Variants in HOXB2 observed in about 807,000 individuals in gnomAD.
The protein encoded by HOXB2 is homeobox protein Hox-B2.
In HOXB2, 14 loss-of-function variants were observed where a neutral mutation model predicts 13.1. That is an observed-to-expected ratio of 1.07 (90% CI 0.71 to 1.67). The LOEUF is 1.67. Among genes scored for constraint, HOXB2 ranks in the 40% most tolerant of loss-of-function variants. The pLI is 0.00. For missense variants in HOXB2, 582 were observed against 488.3 expected (o/e 1.19, Z -1.81); for synonymous variants, 261 against 233.1 (o/e 1.12, Z -1.09).
At position 48,545,096 on chromosome 17, in the gene HOXB2, T is replaced by A. The variant is rs2068557984; in HGVS notation, c.-185A>T. On this transcript the variant is annotated 5_prime_UTR_variant, in exon 1 of 2. Coordinates refer to ENST00000330070, the MANE Select transcript of HOXB2 (RefSeq NM_002145.4). ...TATATTGCTGATAAATACAAGCGTATGGGGACTCTCTCTATTAAACCCAGG... is the reference window on the plus strand; with the variant it reads ...TATATTGCTGATAAATACAAGCGTAAGGGGACTCTCTCTATTAAACCCAGG... The A allele has an allele frequency of 1.9e-6, 1 of 529,646 alleles. No individual in the cohort carries two copies. Among genetic ancestry groups the A allele is most frequent in the Non-Finnish European group, 3.3e-6 (1 of 307,356 alleles). 32.8% of individuals were successfully genotyped at this position (529,646 alleles called of 1,614,324 possible).
In HOXB2 at chr17:48,544,687, C is replaced by T. The variant is rs2068549383; in HGVS notation, c.225G>A (p.Gly75=). The T allele has an allele frequency of 1.9e-6, 3 of 1,613,086 alleles. No individual in the cohort carries two copies. Among genetic ancestry groups the T allele is most frequent in the South Asian group, 2.2e-5 (2 of 91,022 alleles). Residue 75 remains glycine (G), a synonymous_variant, in exon 1 of 2, where the codon GGG becomes GGA. Transcript: ENST00000330070. ...GCGGCGGTGGCGGCGGCAGAGCAGG[C>T]CCATCTTCGGCTCGCTTTTGGCTCC... is the stretch of plus-strand genomic sequence containing the variant. ...RPRSQKRAED[G]PALPPPPPPP... is the part of the protein sequence containing the mutation.
At position 48,543,525 on chromosome 17, in the gene HOXB2, C is replaced by T. The variant is rs956418857; in HGVS notation, c.614G>A (p.Arg205Gln). 19 of 1,612,772 alleles carry T rather than the reference C, an allele frequency of 1.2e-5. No homozygotes were observed. In the African/African-American group the frequency reaches 1.6e-4, roughly 14 times the overall value. Residue 205 changes from arginine to glutamine, a missense_variant, in exon 2 of 2, where the codon CGA (arginine) becomes CAA (glutamine). Transcript: ENST00000330070. ...GGCAGGCTCCCCATCCGGCGGCTCT[C>T]GGTGCTGCGTCTGCCGCTTGTGCTT... is the stretch of plus-strand genomic sequence containing the variant. ...RMKHKRQTQH[R>Q]EPPDGEPACP...
chr17:48,545,091 G>T lies in HOXB2; in HGVS notation c.-180C>A, dbSNP rs2068557840. 1 of 543,276 alleles carries T rather than the reference G, an allele frequency of 1.8e-6. No homozygotes were observed. The highest frequency in any genetic ancestry group is 3.6e-5 in the Admixed American group (1 of 28,030). 33.7% of individuals were successfully genotyped at this position (543,276 alleles called of 1,614,324 possible). A position where few individuals can be genotyped will look rare whatever the true frequency, so the allele number is the denominator to read the frequency against. ...AATTGTATATTGCTGATAAATACAA[G>T]CGTATGGGGACTCTCTCTATTAAAC... On this transcript the variant is annotated 5_prime_UTR_variant, in exon 1 of 2. Transcript: ENST00000330070.
At position 48,544,940 on chromosome 17, in the gene HOXB2, T is replaced by TGGGGGGGGGGGGGGGG; in HGVS notation, c.-30_-29insCCCCCCCCCCCCCCCC. On this transcript the variant is annotated 5_prime_UTR_variant, in exon 1 of 2. Transcript: ENST00000330070. ...TTTCAATGGTGGGGGAGGGGGCTGC[T>TGGGGGGGGGGGGGGGG]GGGGGGGGCGTCAGGAGGGAGGATC... The TGGGGGGGGGGGGGGGG allele has an allele frequency of 4.8e-5, 13 of 271,640 alleles. No individual in the cohort carries two copies. Among genetic ancestry groups the TGGGGGGGGGGGGGGGG allele is most frequent in the East Asian group, 6.3e-5 (1 of 15,966 alleles). The allele number at this position is 271,640 out of a possible 1,614,324, so 16.8% of individuals were successfully genotyped here. A position where few individuals can be genotyped will look rare whatever the true frequency, so the allele number is the denominator to read the frequency against.
intron 1 of HOXB2, 119 bp from the exon 2 acceptor site, chr17:48,543,866 G>T: frequency 1.5e-6 from 1 of 673,958 alleles, no homozygotes; most frequent in Non-Finnish European, 2.1e-6. Flanking sequence ...CCCCACCCCC[G>T]CCCCCACCCC....
intron 1 of HOXB2, 187 bp downstream of exon 1, chr17:48,544,333 GA>G (rs57220730): frequency 0.67 from 808,485 of 1,208,724 alleles, 244,362 homozygotes; most frequent in East Asian, 0.83. Flanking sequence ...GAGAGAGACA[GA>G]AAAAAAAAAA....
chr17:48,544,948 G>GGGGGGGGGCGGGGGGGGGGGC lies in HOXB2; in HGVS notation c.-38_-37insGCCCCCCCCCCCGCCCCCCCC. 7.6e-6 allele frequency: 8 copies of GGGGGGGGGCGGGGGGGGGGGC among 1,051,192 alleles called. No individual in the cohort carries two copies. The highest frequency in any genetic ancestry group is 2.9e-5 in the East Asian group (1 of 34,474). 65.1% of individuals were successfully genotyped at this position (1,051,192 alleles called of 1,614,324 possible). On this transcript the variant is annotated 5_prime_UTR_variant, in exon 1 of 2. Coordinates refer to ENST00000330070, the MANE Select transcript of HOXB2 (RefSeq NM_002145.4). ...GTGGGGGAGGGGGCTGCTGGGGGGG[G>GGGGGGGGGCGGGGGGGGGGGC]CGTCAGGAGGGAGGATCGGAAGGGA...
Position 48,543,064 on chromosome 17 carries a change from C to A in HOXB2, c.*4G>T. 6.4e-7 allele frequency: 1 copy of A among 1,571,974 alleles called. No homozygotes were observed. Among genetic ancestry groups the A allele is most frequent in the South Asian group, 1.2e-5 (1 of 86,026 alleles). On this transcript the variant is annotated 3_prime_UTR_variant, in exon 2 of 2. Coordinates refer to ENST00000330070, the MANE Select transcript of HOXB2 (RefSeq NM_002145.4). ...GGTCGAAAGGACCGGGAGGAGGAAACAGGTTAGGGAAACTGCAGGTCGATG... is the reference window on the plus strand; with the variant it reads ...GGTCGAAAGGACCGGGAGGAGGAAAAAGGTTAGGGAAACTGCAGGTCGATG...
In HOXB2 at chr17:48,543,231, A is replaced by G. The variant is rs775434090; in HGVS notation, c.908T>C (p.Phe303Ser). The G allele has an allele frequency of 5.1e-5, 83 of 1,613,040 alleles. No individual in the cohort carries two copies. The highest frequency in any genetic ancestry group is 3.6e-4 in the South Asian group (33 of 91,056). Residue 303 changes from phenylalanine (F) to serine (S), a missense_variant, in exon 2 of 2, where the codon TTC becomes TCC. Transcript: ENST00000330070. The stretch of plus-strand genomic sequence containing the variant: ...CGCGAAGAAGTTGAGGTCGGGAAGG[A>G]AAGGTGAATCCTGGCGCCCCGAGAA... The part of the protein sequence containing the change: ...DVFSGRQDSP[F>S]LPDLNFFAAD...
Position 48,543,346 on chromosome 17 carries a change from C to CG in HOXB2, c.792dup (p.Val265ArgfsTer61). The CG allele has an allele frequency of 3.1e-6, 5 of 1,597,156 alleles. No individual in the cohort carries two copies. The highest frequency in any genetic ancestry group is 4.3e-6 in the Non-Finnish European group (5 of 1,175,804). ...GACGCGCCTGCGCCCTCTAAGCGAA[C>CG]GGCTAAAGGCCGGGGGTCCGCGCTT... On this transcript the variant is annotated frameshift_variant, in exon 2 of 2. Coordinates refer to ENST00000330070, the MANE Select transcript of HOXB2 (RefSeq NM_002145.4). LOFTEE classifies it low-confidence loss of function (END_TRUNC).
Position 48,544,940 on chromosome 17 carries a change from T to TGGGGGGGGGGGG in HOXB2, c.-30_-29insCCCCCCCCCCCC. Reference sequence around the variant, plus strand: ...TTTCAATGGTGGGGGAGGGGGCTGCTGGGGGGGGCGTCAGGAGGGAGGATC... The same window carrying TGGGGGGGGGGGG: ...TTTCAATGGTGGGGGAGGGGGCTGCTGGGGGGGGGGGGGGGGGGGGCGTCAGGAGGGAGGATC... On this transcript the variant is annotated 5_prime_UTR_variant, in exon 1 of 2. Transcript: ENST00000330070. The TGGGGGGGGGGGG allele has an allele frequency of 3.7e-6, 1 of 271,682 alleles. No individual in the cohort carries two copies. The highest frequency in any genetic ancestry group is 5.9e-6 in the Non-Finnish European group (1 of 170,486). 16.8% of individuals were successfully genotyped at this position (271,682 alleles called of 1,614,324 possible). A position where few individuals can be genotyped will look rare whatever the true frequency, so the allele number is the denominator to read the frequency against.
At position 48,543,740 on chromosome 17, in the gene HOXB2, C is replaced by G; in HGVS notation, c.399G>C (p.Leu133=). 1 of 1,599,062 alleles carries G rather than the reference C, an allele frequency of 6.3e-7. No individual in the cohort carries two copies. Among genetic ancestry groups the G allele is most frequent in the Non-Finnish European group, 8.5e-7 (1 of 1,172,566 alleles). The stretch of plus-strand genomic sequence containing the variant: ...CGCCGCCACCAGCCTCCGGCAGTCC[C>G]AGGCCATCTGCAGGGAAAACAGGCT... ...ASGVGSPADG[L]GLPEAGGGGA... Residue 133 remains leucine, a synonymous_variant, in exon 2 of 2, where the codon CTG becomes CTC. Transcript: ENST00000330070.
At chr17:48,544,043 G>T in intron 1 of HOXB2, 1 of 1,239,402 alleles carries the variant, frequency 8.1e-7, no homozygotes, top group Admixed American at 3.9e-5. Flanking sequence ...AGCCCTCCCA[G>T]TGGACCCCTC....
chr17:48,544,983 TG>T lies in HOXB2; in HGVS notation c.-73del. 1 of 1,185,720 alleles carries T rather than the reference TG, an allele frequency of 8.4e-7. No homozygotes were observed. The allele number at this position is 1,185,720 out of a possible 1,614,324, so 73.4% of individuals were successfully genotyped here. ...GGAGGATCGGAAGGGACCCCCCTCC[TG>T]CACCCCCCCCGATTTATGTAATGGA... On this transcript the variant is annotated 5_prime_UTR_variant, in exon 1 of 2. Transcript: ENST00000330070.
chr17:48,543,140 CG>C lies in HOXB2; in HGVS notation c.998del (p.Pro333ArgfsTer54). ...SPSLQGSLDS[P>X]VPFSEEELDF... ...CCAGCTCTTCCTCGGAAAAAGGGAC[CG>C]GGCTGTCGAGAGAACCCTGTAGGCT... On this transcript the variant is annotated frameshift_variant, in exon 2 of 2. Coordinates refer to ENST00000330070, the MANE Select transcript of HOXB2 (RefSeq NM_002145.4). LOFTEE classifies it high-confidence loss of function. 5 of 1,613,288 alleles carry C rather than the reference CG, an allele frequency of 3.1e-6. No individual in the cohort carries two copies. Among genetic ancestry groups the C allele is most frequent in the Non-Finnish European group, 4.2e-6 (5 of 1,179,826 alleles).
In HOXB2 at chr17:48,544,975, C is replaced by CT; in HGVS notation, c.-65_-64insA. ...GTCAGGAGGGAGGATCGGAAGGGAC[C>CT]CCCCTCCTGCACCCCCCCCGATTTA... On this transcript the variant is annotated 5_prime_UTR_variant, in exon 1 of 2. Transcript: ENST00000330070. 2.4e-6 allele frequency: 3 copies of CT among 1,263,186 alleles called. No individual in the cohort carries two copies. Among genetic ancestry groups the CT allele is most frequent in the Non-Finnish European group, 3.2e-6 (3 of 925,458 alleles). 78.2% of individuals were successfully genotyped at this position (1,263,186 alleles called of 1,614,324 possible). A position where few individuals can be genotyped will look rare whatever the true frequency, so the allele number is the denominator to read the frequency against.
In HOXB2 at chr17:48,544,344, A is replaced by AT. The variant is rs547545551; in HGVS notation, c.391+176_391+177insA. 304 of 1,369,802 alleles carry AT rather than the reference A, an allele frequency of 2.2e-4. No individual in the cohort carries two copies. In the African/African-American group the frequency reaches 4.2e-3, roughly 19 times the overall value. 84.9% of individuals were successfully genotyped at this position (1,369,802 alleles called of 1,614,324 possible). On this transcript the variant is annotated intron_variant, in intron 1 of 1. Coordinates refer to ENST00000330070, the MANE Select transcript of HOXB2 (RefSeq NM_002145.4). ...GAGAGAGAGAGACAGAAAAAAAAAA[A>AT]GACGCTGTTAGCGGCCAGGCCTGAA...
rs2068514849 is a variant in HOXB2 at position 48,543,067 on chromosome 17, G to A, written c.*1C>T. On this transcript the variant is annotated 3_prime_UTR_variant, in exon 2 of 2. Coordinates refer to ENST00000330070, the MANE Select transcript of HOXB2 (RefSeq NM_002145.4). ...CGAAAGGACCGGGAGGAGGAAACAG[G>A]TTAGGGAAACTGCAGGTCGATGGCA... 3 of 1,592,874 alleles carry A rather than the reference G, an allele frequency of 1.9e-6. No individual in the cohort carries two copies. Among genetic ancestry groups the A allele is most frequent in the Admixed American group, 1.8e-5 (1 of 55,434 alleles).
Position 48,543,235 on chromosome 17 carries a change from G to A in HOXB2, c.904C>T (p.Pro302Ser). The A allele has an allele frequency of 9.9e-6, 16 of 1,612,878 alleles. No individual in the cohort carries two copies. Among genetic ancestry groups the A allele is most frequent in the Non-Finnish European group, 1.3e-5 (15 of 1,180,000 alleles). ...EDVFSGRQDS[P>S]FLPDLNFFAA... ...AAGAAGTTGAGGTCGGGAAGGAAAGGTGAATCCTGGCGCCCCGAGAAGACG... is the reference window on the plus strand; with the variant it reads ...AAGAAGTTGAGGTCGGGAAGGAAAGATGAATCCTGGCGCCCCGAGAAGACG... The change falls in exon 2 of 2, where the codon CCT (proline) becomes TCT (serine). Residue 302 changes from proline to serine, a missense_variant. Coordinates refer to ENST00000330070, the MANE Select transcript of HOXB2 (RefSeq NM_002145.4).
Sources: gnomAD v4.1 joint callset for allele counts on GRCh38, gnomAD v4.1.1 for gene constraint, MANE v1.5 for transcripts, NCBI Gene and HGNC (gene_info 2026-07-23, HGNC 2026-07-21) for gene names.